Variants in CPLANE1 observed in about 807,000 individuals in gnomAD.
CPLANE1 encodes the protein ciliogenesis and planar polarity effector 1.
A neutral mutation model predicts 362.5 loss-of-function variants in CPLANE1; 263 were observed. The ratio of observed to expected loss-of-function variants is 0.73; its 90% CI spans 0.66 to 0.80. The LOEUF (loss-of-function observed/expected upper bound fraction) is 0.80, where lower values mean the gene tolerates loss of function less well. Among genes scored for constraint, CPLANE1 ranks in the 30% least tolerant of loss-of-function variants. CPLANE1 has a pLI of 0.00. For missense variants in CPLANE1, 3,461 were observed against 3,793.4 expected (o/e 0.91, Z 2.30); for synonymous variants, 1,212 against 1,302.6 (o/e 0.93, Z 1.50).
intron 44 of CPLANE1, 179 bp downstream of exon 44, chr5:37,142,131 G>A (rs1046883009): frequency 3.4e-6 from 4 of 1,180,402 alleles, no homozygotes; most frequent in African/African-American, 3.2e-5. Context: ...TCTTATGAAG[G>A]TGACAAGATG....
At chr5:37,113,939 A>G (rs1237173264) in intron 51 of CPLANE1, among the ~76,000 whole-genome samples, 1 of 152,086 alleles carries the variant, frequency 6.6e-6, no homozygotes, top group Non-Finnish European at 1.5e-5. Context: ...CAGCCTCCCA[A>G]GTAGCTGGGA....
rs764708269 is a variant in CPLANE1 at position 37,169,299 on chromosome 5, T to C, written c.6725A>G (p.His2242Arg). 3.1e-6 allele frequency: 5 copies of C among 1,614,204 alleles called. No individual in the cohort carries two copies. In the South Asian group the frequency reaches 4.4e-5, roughly 14 times the overall value. ...SKQEFQPLFL[H>R]TGSIPQVPFR... ...GGGAACTTGTGGAATACTTCCTGTA[T>C]GTAAGAAAAGGGGCTGGAATTCTTG... The change falls in exon 34 of 53, where the codon CAT becomes CGT. Residue 2242 changes from histidine to arginine, a missense_variant. By Grantham distance (29) the His-to-Arg change is conservative (BLOSUM62 0). Coordinates refer to ENST00000651892, the MANE Select transcript of CPLANE1 (RefSeq NM_001384732.1).
At chr5:37,097,521 C>A in the CPLANE1 span, among the ~76,000 whole-genome samples, 1 of 152,154 alleles carries the variant, frequency 6.6e-6, no homozygotes, top group Non-Finnish European at 1.5e-5. Context: ...ACAGGAAGCT[C>A]AGACACCCAC....
At chr5:37,104,139 TC>T (rs1268480112), downstream of CPLANE1, among the ~76,000 whole-genome samples, 1 of 152,232 alleles carries the variant, frequency 6.6e-6, no homozygotes, top group African/African-American at 2.4e-5. Context: ...GATTCTTTTC[TC>T]CACTTGGCCT....
At chr5:37,147,926 C>T (rs1772165591) in intron 43 of CPLANE1, among the ~76,000 whole-genome samples, 1 of 132,496 alleles carries the variant, frequency 7.5e-6, no homozygotes, top group Non-Finnish European at 1.5e-5. Context: ...CCAGGCCACA[C>T]TTGCCCCATC....
chr5:37,159,486 C>T (rs970296082), intron 38 of CPLANE1, among the ~76,000 whole-genome samples: 1 of 152,300 alleles, frequency 6.6e-6, no homozygotes, highest in Middle Eastern at 3.4e-3. Context: ...AATTTTACCA[C>T]TTAAGGTGTT....
intron 43 of CPLANE1, among the ~76,000 whole-genome samples, chr5:37,143,936 GAAA>G (rs10715136): frequency 5.6e-5 from 7 of 126,004 alleles, no homozygotes; most frequent in Non-Finnish European, 3.4e-5. Context: ...ACTCTGTCTC[GAAA>G]AAAAAAAAAA....
chr5:37,215,235 G>A (rs937590840), intron 15 of CPLANE1, among the ~76,000 whole-genome samples: 3 of 151,966 alleles, frequency 2.0e-5, no homozygotes, highest in Non-Finnish European at 4.4e-5. Context: ...TTTTAGTAGA[G>A]ACCAGTTTTC....
intron 6 of CPLANE1, among the ~76,000 whole-genome samples, chr5:37,241,014 T>G (rs1800292543): frequency 6.6e-6 from 1 of 150,854 alleles, no homozygotes; most frequent in Non-Finnish European, 1.5e-5. Flanking sequence ...TGCGCACCTG[T>G]AGTGTCAGCT....
chr5:37,157,885 A>G lies in CPLANE1; in HGVS notation c.7813-17T>C. 6.5e-7 allele frequency: 1 copy of G among 1,541,850 alleles called. No homozygotes were observed. On this transcript the variant is annotated splice_polypyrimidine_tract_variant and intron_variant, in intron 39 of 52. Transcript: ENST00000651892. ...ATGTCCAACCTGAGCCAAAACACAT[A>G]AAACCAAAGAGGGTTACATTCTTTT...
At chr5:37,167,942 T>A (rs918848397) in intron 34 of CPLANE1, among the ~76,000 whole-genome samples, 1 of 152,154 alleles carries the variant, frequency 6.6e-6, no homozygotes, top group African/African-American at 2.4e-5. Context: ...AATTGGGTGA[T>A]AAAAACTTGG....
intron 46 of CPLANE1, among the ~76,000 whole-genome samples, chr5:37,128,196 G>A (rs991011292): frequency 6.6e-6 from 1 of 152,126 alleles, no homozygotes; most frequent in African/African-American, 2.4e-5. Context: ...TGGTAGAGAT[G>A]GGGTTTCCCT....
intron 46 of CPLANE1, among the ~76,000 whole-genome samples, chr5:37,129,577 T>C (rs1037947615): frequency 4.0e-5 from 6 of 151,438 alleles, no homozygotes; most frequent in Middle Eastern, 3.4e-3. Context: ...ATCAAAACAA[T>C]AGAGTTAAGG....
At chr5:37,171,092 C>T (rs1293816067) in intron 32 of CPLANE1, among the ~76,000 whole-genome samples, 1 of 152,220 alleles carries the variant, frequency 6.6e-6, no homozygotes, top group Non-Finnish European at 1.5e-5. Flanking sequence ...CTTTGCTGCA[C>T]ATTACAATCA....
At chr5:37,208,232 A>C (rs1380424209) in intron 16 of CPLANE1, among the ~76,000 whole-genome samples, 1 of 152,264 alleles carries the variant, frequency 6.6e-6, no homozygotes, top group Non-Finnish European at 1.5e-5. Flanking sequence ...GGCATAGGCC[A>C]ACATGCCCAG....
intron 51 of CPLANE1, among the ~76,000 whole-genome samples, chr5:37,111,928 G>A (rs1302649274): frequency 6.6e-6 from 1 of 151,996 alleles, no homozygotes; most frequent in Non-Finnish European, 1.5e-5. Context: ...GAAAAAGTGA[G>A]ACTGAAAGAG....
intron 27 of CPLANE1, 42 bp downstream of exon 27, chr5:37,180,815 A>G (rs749281775): frequency 1.3e-6 from 2 of 1,586,574 alleles, no homozygotes; most frequent in South Asian, 1.1e-5. Flanking sequence ...CCATCAAACT[A>G]CATGTCTTAT....
At chr5:37,098,973 A>G in the CPLANE1 span, among the ~76,000 whole-genome samples, 38 of 151,948 alleles carry the variant, frequency 2.5e-4, no homozygotes, top group African/African-American at 8.9e-4. Flanking sequence ...ACAACCTAAC[A>G]ATGAACCTTA....
intron 2 of CPLANE1, 138 bp downstream of exon 2, chr5:37,247,480 G>A: frequency 3.1e-6 from 2 of 640,660 alleles, no homozygotes; most frequent in Non-Finnish European, 5.0e-6. Flanking sequence ...CAGTGTGCAG[G>A]TAGGTGATCC....
Sources: allele counts gnomAD v4.1 joint callset (sites outside exome capture counted in the v4.1 genomes callset), GRCh38; gene constraint gnomAD v4.1.1; transcripts MANE v1.5; gene names NCBI Gene and HGNC (gene_info 2026-07-23, HGNC 2026-07-21).